The following WDR62 variants were observed in gnomAD, a reference collection of about 807,000 sequenced individuals.
The protein encoded by WDR62 is WD repeat domain 62.
A neutral mutation model predicts 160.6 loss-of-function variants in WDR62; 112 were observed. That is an observed-to-expected ratio of 0.70 (90% CI 0.60 to 0.82). The LOEUF (loss-of-function observed/expected upper bound fraction) is 0.82, where lower values mean the gene tolerates loss of function less well. Among genes scored for constraint, WDR62 ranks in the 40% least tolerant of loss-of-function variants. The pLI, the probability that WDR62 is intolerant of heterozygous loss-of-function variation, is 0.00. For missense variants in WDR62, 1,819 were observed against 1,983.8 expected, an observed-to-expected ratio of 0.92 and a Z score of 1.58; for synonymous variants, 792 against 815.1, an observed-to-expected ratio of 0.97 and a Z score of 0.48.
At position 36,102,035 on chromosome 19, in the gene WDR62, A is replaced by T. The variant is rs1973381279; in HGVS notation, c.3104A>T (p.Asp1035Val). 1 of 1,613,998 alleles carries T rather than the reference A, an allele frequency of 6.2e-7. No individual in the cohort carries two copies. The highest frequency in any genetic ancestry group is 1.7e-5 in the Admixed American group (1 of 60,000). Residue 1035 changes from aspartate to valine, a missense_variant, in exon 26 of 32, where the codon GAT becomes GTT. Asp to Val is a radical substitution (Grantham distance 152). Coordinates refer to ENST00000401500, the MANE Select transcript of WDR62 (RefSeq NM_001083961.2). ...TCAGGATGCGCAGGTCCCACAGAAG[A>T]TGAGCTGTCCCTGCCCGAGGGACCC... ...HFPGCAGPTE[D>V]ELSLPEGPSV...
At chr19:36,058,924 G>A in intron 2 of WDR62, 53 bp downstream of exon 2, 1 of 1,459,830 alleles carries the variant, frequency 6.9e-7, no homozygotes, top group South Asian at 1.2e-5. Context: ...TTTGGAGCTT[G>A]GAACCTGAAG....
At position 36,084,836 on chromosome 19, in the gene WDR62, CTG is replaced by C. The variant is rs962000243; in HGVS notation, c.1642+95_1642+96del. On this transcript the variant is annotated intron_variant, in intron 12 of 31. Coordinates refer to ENST00000401500, the MANE Select transcript of WDR62 (RefSeq NM_001083961.2). Reference sequence around the variant, plus strand: ...AAGGGGTAGTTGGTGTCTGGTGGGACTGTGGATGACAGCTGGGAGTTTTGTGT... The same window carrying C: ...AAGGGGTAGTTGGTGTCTGGTGGGACTGGATGACAGCTGGGAGTTTTGTGT... The C allele has an allele frequency of 5.0e-6, 6 of 1,193,642 alleles. No individual in the cohort carries two copies. The Admixed American group carries it at 1.1e-4, about 22-fold the overall frequency. 73.9% of individuals were successfully genotyped at this position (1,193,642 alleles called of 1,614,324 possible). A position where few individuals can be genotyped will look rare whatever the true frequency, so the allele number is the denominator to read the frequency against.
At chr19:36,074,067 G>A (rs1271189596) in intron 9 of WDR62, 1 of 284,142 alleles carries the variant, frequency 3.5e-6, no homozygotes, top group Non-Finnish European at 7.0e-6. Context: ...GGGAATCTGA[G>A]GCGGGAGGAT....
intron 6 of WDR62, 143 bp downstream of exon 6, chr19:36,067,586 C>A: frequency 7.6e-7 from 1 of 1,309,450 alleles, no homozygotes; most frequent in Non-Finnish European, 1.1e-6. Flanking sequence ...TGCTTCTGGG[C>A]CTACTCTCAG....
At chr19:36,098,543 G>A (rs1357571567) in intron 21 of WDR62, among the ~76,000 whole-genome samples, 2 of 144,470 alleles carry the variant, frequency 1.4e-5, no homozygotes, top group African/African-American at 2.6e-5. Flanking sequence ...CCAGCCTGGC[G>A]ACAGAGTGAG....
At position 36,091,280 on chromosome 19, in the gene WDR62, C is replaced by T. The variant is rs2145783606; in HGVS notation, c.2115C>T (p.Gly705=). 1 of 1,613,900 alleles carries T rather than the reference C, an allele frequency of 6.2e-7. No homozygotes were observed. Among genetic ancestry groups the T allele is most frequent in the Non-Finnish European group, 8.5e-7 (1 of 1,180,044 alleles). The change falls in exon 17 of 32, where the codon GGC becomes GGT. Residue 705 remains glycine (G), a synonymous_variant. Coordinates refer to ENST00000401500, the MANE Select transcript of WDR62 (RefSeq NM_001083961.2). ...TCTCAGTGATTGACTTTTACTCGGG[C>T]GAGTGCATTGCCAAGATGTTTGGCC... The part of the protein sequence containing the change: ...KSISVIDFYS[G]ECIAKMFGHS...
chr19:36,089,951 C>T (rs1474743784), intron 15 of WDR62, among the ~76,000 whole-genome samples: 96 of 152,212 alleles, frequency 6.3e-4, no homozygotes, highest in Non-Finnish European at 4.4e-5. Flanking sequence ...AGCCCCAGGC[C>T]CTCCTTCATG....
intron 21 of WDR62, among the ~76,000 whole-genome samples, chr19:36,097,435 A>G (rs758766381): frequency 1.3e-5 from 2 of 152,234 alleles, no homozygotes; most frequent in Non-Finnish European, 2.9e-5. Context: ...TACGTCAGCC[A>G]GGTGCAGTGA....
At position 36,068,409 on chromosome 19, in the gene WDR62, G is replaced by A. The variant is rs1335695784; in HGVS notation, c.882+399G>A. Among the ~76,000 whole-genome samples, 3 of 152,008 alleles carry A rather than the reference G, an allele frequency of 2.0e-5. No homozygotes were observed. The East Asian group carries it at 5.8e-4, about 29-fold the overall frequency. ...CATTCTTGGGTGTTTCTCCCAGAGG[G>A]GGTTTGGCAGGGTCTTAGGACAATA... On this transcript the variant is annotated intron_variant, in intron 7 of 31. Transcript: ENST00000401500.
At chr19:36,086,594 C>T (rs1599805159) in intron 12 of WDR62, 93 bp from the exon 13 acceptor site, 4 of 1,490,232 alleles carry the variant, frequency 2.7e-6, no homozygotes, top group African/African-American at 1.4e-5. Flanking sequence ...GACCCCTTCT[C>T]CGAGGACTGG....
intron 12 of WDR62, among the ~76,000 whole-genome samples, chr19:36,086,282 T>C (rs1972225497): frequency 6.6e-6 from 1 of 152,068 alleles, no homozygotes; most frequent in Non-Finnish European, 1.5e-5. Flanking sequence ...CAATAGGACC[T>C]GAACAAGGCC....
Position 36,067,222 on chromosome 19 carries a change from A to C in WDR62, c.562-84A>C. 3 of 1,584,886 alleles carry C rather than the reference A, an allele frequency of 1.9e-6. No individual in the cohort carries two copies. The Admixed American group carries it at 5.0e-5, about 26-fold the overall frequency. ...AGACAGACTTGGAGTGGGGACGAGC[A>C]GGGAGTTCCAGCCTGAGGGCAAAGG... On this transcript the variant is annotated intron_variant, in intron 5 of 31. Coordinates refer to ENST00000401500, the MANE Select transcript of WDR62 (RefSeq NM_001083961.2).
chr19:36,101,169 C>T (rs1314117681), intron 23 of WDR62, 45 bp from the exon 24 acceptor site: 19 of 1,537,350 alleles, frequency 1.2e-5, no homozygotes, highest in Non-Finnish European at 1.7e-5. Flanking sequence ...TGTTGAGTCT[C>T]CAGCTGAAGT....
intron 8 of WDR62, among the ~76,000 whole-genome samples, chr19:36,071,981 AGTGCAGAGCAG>A (rs1254452806): frequency 2.6e-5 from 4 of 152,248 alleles, no homozygotes; most frequent in African/African-American, 9.6e-5. Flanking sequence ...GGTGAAGAAC[AGTGCAGAGCAG>A]GTGTGAATGT....
chr19:36,071,058 T>C (rs1389591170), intron 7 of WDR62: 1 of 169,032 alleles, frequency 5.9e-6, no homozygotes, highest in Non-Finnish European at 1.3e-5. Flanking sequence ...CAAAAAATTA[T>C]CTGGGTGTGG....
intron 16 of WDR62, 91 bp downstream of exon 16, chr19:36,090,611 C>T: frequency 8.4e-7 from 1 of 1,195,676 alleles, no homozygotes; most frequent in Non-Finnish European, 1.2e-6. Flanking sequence ...TTGGTCCTTC[C>T]TCAGTGCACC....
chr19:36,079,711 T>C (rs1971779590), intron 9 of WDR62, among the ~76,000 whole-genome samples: 1 of 152,238 alleles, frequency 6.6e-6, no homozygotes, highest in Non-Finnish European at 1.5e-5. Flanking sequence ...GGAATTATCC[T>C]GTTGCTGGGT....
chr19:36,062,026 A>G (rs1970676981), intron 3 of WDR62: 1 of 150,802 alleles, frequency 6.6e-6, no homozygotes, highest in African/African-American at 2.4e-5. Flanking sequence ...AGCTCACTGC[A>G]ACTTCCACCT....
Position 36,073,347 on chromosome 19 carries a change from T to C in WDR62, c.1049T>C (p.Leu350Pro), listed in dbSNP as rs1178519688. The change falls in exon 9 of 32, where the codon CTC (leucine) becomes CCC (proline). Residue 350 changes from leucine (L) to proline (P), a missense_variant. Coordinates refer to ENST00000401500, the MANE Select transcript of WDR62 (RefSeq NM_001083961.2). ...TACCCATGTGGCCTTGTTAGCTTCCTCTTCCACAGGAAGGCGGAAGCAGTC... is the reference window on the plus strand; with the variant it reads ...TACCCATGTGGCCTTGTTAGCTTCCCCTTCCACAGGAAGGCGGAAGCAGTC... ...DVAQGLEPSF[L>P]FHRKAEAVYP... is the part of the protein sequence containing the mutation. 6.2e-7 allele frequency: 1 copy of C among 1,614,132 alleles called. No individual in the cohort carries two copies. The highest frequency in any genetic ancestry group is 1.7e-5 in the Admixed American group (1 of 60,028).
Sources: allele counts gnomAD v4.1 joint callset (sites outside exome capture counted in the v4.1 genomes callset), GRCh38; gene constraint gnomAD v4.1.1; transcripts MANE v1.5; gene names NCBI Gene and HGNC (gene_info 2026-07-23, HGNC 2026-07-21).